The following SLC16A10 variants were observed in gnomAD, a reference collection of about 807,000 sequenced individuals.
The protein encoded by SLC16A10 is solute carrier family 16 member 10.
Under a neutral mutation model 40.0 loss-of-function variants are expected in SLC16A10, and 27 were observed. The observed-to-expected ratio is 0.67, with a 90% confidence interval of 0.50 to 0.93. The LOEUF is 0.93. Ranked by LOEUF, SLC16A10 falls within the 40% of genes least tolerant of loss-of-function variation. The probability of loss-of-function intolerance (pLI) is 0.00; values close to 1 mark genes in which losing one functional copy is unlikely to be tolerated. For synonymous variants in SLC16A10, 213 were observed against 249.8 expected (o/e 0.85, Z 1.39); for missense variants, 529 against 658.2 (o/e 0.80, Z 2.15).
chr6:111,127,437 C>T (rs936655199), intron 1 of SLC16A10, among the ~76,000 whole-genome samples: 8 of 152,086 alleles, frequency 5.3e-5, no homozygotes, highest in African/African-American at 1.9e-4. Context: ...GGTAGAGGGA[C>T]TGGATTGTGT....
chr6:111,103,281 G>A (rs1325085592), intron 1 of SLC16A10, among the ~76,000 whole-genome samples: 7 of 151,924 alleles, frequency 4.6e-5, no homozygotes, highest in East Asian at 1.9e-4. Context: ...GCAATGGCAC[G>A]ATCTTGGCTT....
intron 1 of SLC16A10, among the ~76,000 whole-genome samples, chr6:111,156,484 T>C (rs1772272597): frequency 6.6e-6 from 1 of 152,198 alleles, no homozygotes. Context: ...CTTTGTGTAG[T>C]CGTGCTTCCA....
chr6:111,199,453 C>G (rs1318656739), intron 3 of SLC16A10, among the ~76,000 whole-genome samples: 3 of 145,090 alleles, frequency 2.1e-5, no homozygotes, highest in Non-Finnish European at 4.5e-5. Flanking sequence ...GACCAAAATG[C>G]CATCTCAAAA....
intron 3 of SLC16A10, among the ~76,000 whole-genome samples, chr6:111,193,910 G>T (rs1562429007): frequency 6.6e-6 from 1 of 152,218 alleles, no homozygotes. Flanking sequence ...GGTGAAAACT[G>T]TGGATTTATC....
intron 1 of SLC16A10, among the ~76,000 whole-genome samples, chr6:111,143,200 C>T (rs1480615042): frequency 3.3e-5 from 5 of 152,114 alleles, no homozygotes; most frequent in Non-Finnish European, 1.5e-5. Flanking sequence ...CTGCCTCAGC[C>T]TCCCAAGTAG....
At chr6:111,215,903 G>A (rs1562436096) in intron 4 of SLC16A10, among the ~76,000 whole-genome samples, 1 of 152,118 alleles carries the variant, frequency 6.6e-6, no homozygotes, top group African/African-American at 2.4e-5. Context: ...ACTAAAGTGG[G>A]AGGATCACTT....
chr6:111,206,138 G>A (rs1216712056), intron 3 of SLC16A10, among the ~76,000 whole-genome samples: 1 of 150,364 alleles, frequency 6.7e-6, no homozygotes, highest in East Asian at 2.0e-4. Flanking sequence ...GAGTGCAGTT[G>A]TGCAATCAGC....
chr6:111,099,249 T>C (rs1290136819), intron 1 of SLC16A10, among the ~76,000 whole-genome samples: 2 of 152,224 alleles, frequency 1.3e-5, no homozygotes, highest in African/African-American at 2.4e-5. Context: ...AATAGACTTA[T>C]ATTTGTATTT....
At chr6:111,104,694 G>A (rs1241621552) in intron 1 of SLC16A10, among the ~76,000 whole-genome samples, 4 of 152,124 alleles carry the variant, frequency 2.6e-5, no homozygotes, top group African/African-American at 4.8e-5. Context: ...TCAGAGTGAC[G>A]CTGAGTCCAG....
Position 111,195,371 on chromosome 6 carries a change from G to A in SLC16A10, c.943-11221G>A, listed in dbSNP as rs187413234. Among the ~76,000 whole-genome samples, 24 of 152,260 alleles carry A rather than the reference G, an allele frequency of 1.6e-4. No individual in the cohort carries two copies. The East Asian group carries it at 4.2e-3, about 27-fold the overall frequency. On this transcript the variant is annotated intron_variant, in intron 3 of 5. Coordinates refer to ENST00000368851, the MANE Select transcript of SLC16A10 (RefSeq NM_018593.5). Reference sequence around the variant, plus strand: ...GAAAGTTGTATGGTGGTTTCCAAGGGGAGGGGGAAATGAGGAGTTATTTAA... The same window carrying A: ...GAAAGTTGTATGGTGGTTTCCAAGGAGAGGGGGAAATGAGGAGTTATTTAA...
intron 3 of SLC16A10, among the ~76,000 whole-genome samples, chr6:111,201,481 TAA>T (rs1310974875): frequency 6.6e-6 from 1 of 152,200 alleles, no homozygotes; most frequent in Non-Finnish European, 1.5e-5. Flanking sequence ...CTGTCAGAAA[TAA>T]AGTTACTTTT....
intron 1 of SLC16A10, among the ~76,000 whole-genome samples, chr6:111,156,012 A>G (rs1772263698): frequency 6.6e-6 from 1 of 152,208 alleles, no homozygotes; most frequent in Non-Finnish European, 1.5e-5. Context: ...CTCAAAAACT[A>G]AAAACAATAA....
chr6:111,150,334 GT>G (rs1302834111), intron 1 of SLC16A10, among the ~76,000 whole-genome samples: 1 of 152,174 alleles, frequency 6.6e-6, no homozygotes, highest in Admixed American at 6.6e-5. Context: ...AGAAATAAAA[GT>G]TTTTTCTTTA....
intron 3 of SLC16A10, among the ~76,000 whole-genome samples, chr6:111,202,716 G>A (rs1290251824): frequency 4.0e-5 from 6 of 151,616 alleles, no homozygotes; most frequent in South Asian, 2.1e-4. Flanking sequence ...GTGAAACCCC[G>A]TCTCTACTAA....
chr6:111,159,145 T>C (rs1386081584), intron 1 of SLC16A10, among the ~76,000 whole-genome samples: 1 of 149,208 alleles, frequency 6.7e-6, no homozygotes, highest in Non-Finnish European at 1.5e-5. Context: ...ACTTCTCCAT[T>C]CCTAATCCCC....
intron 1 of SLC16A10, among the ~76,000 whole-genome samples, chr6:111,118,822 C>A (rs1225416270): frequency 1.3e-5 from 2 of 152,106 alleles, no homozygotes; most frequent in South Asian, 2.1e-4. Context: ...CTGCCACACA[C>A]AACCAGAGAA....
At chr6:111,204,383 T>C (rs571983344) in intron 3 of SLC16A10, among the ~76,000 whole-genome samples, 13 of 152,260 alleles carry the variant, frequency 8.5e-5, no homozygotes, top group South Asian at 6.2e-4. Context: ...ACAGGGCCTG[T>C]TGACTTTGAG....
At chr6:111,111,053 G>A (rs1562400285) in intron 1 of SLC16A10, among the ~76,000 whole-genome samples, 1 of 151,698 alleles carries the variant, frequency 6.6e-6, no homozygotes. Flanking sequence ...GTAAATTACT[G>A]CCAGTTCTGT....
Position 111,222,183 on chromosome 6 carries a change from T to C in SLC16A10, c.1496T>C (p.Leu499Pro). ...AAAATGTTGGAAAACCAGAACTCTC[T>C]GCTGTCAAGTTCATCTGGAATGTTC... ...MEKMLENQNS[L>P]LSSSSGMFKK... Residue 499 changes from leucine (L) to proline (P), a missense_variant, in exon 6 of 6, where the codon CTG becomes CCG. Physicochemically the swap from Leu to Pro is moderately conservative, Grantham distance 98 (BLOSUM62 -3). Transcript: ENST00000368851. The C allele has an allele frequency of 6.2e-7, 1 of 1,607,698 alleles. No homozygotes were observed.
Sources: gnomAD v4.1 joint callset for allele counts (sites outside exome capture counted in the v4.1 genomes callset) on GRCh38, gnomAD v4.1.1 for gene constraint, MANE v1.5 for transcripts, NCBI Gene and HGNC (gene_info 2026-07-23, HGNC 2026-07-21) for gene names.